The following PRDM16 variants were observed in gnomAD, a reference collection of about 807,000 sequenced individuals.
PRDM16 encodes histone-lysine N-methyltransferase PRDM16.
PRDM16 carries 23 observed loss-of-function variants against 110.6 expected under a neutral mutation model. The ratio of observed to expected loss-of-function variants is 0.21; its 90% CI spans 0.15 to 0.29. PRDM16 has a LOEUF of 0.29. Among genes scored for constraint, PRDM16 ranks in the 10% least tolerant of loss-of-function variants. The pLI, the probability that PRDM16 is intolerant of heterozygous loss-of-function variation, is 1.00. For missense variants in PRDM16, 1,615 were observed against 1,794.3 expected, an observed-to-expected ratio of 0.90 and a Z score of 1.81; for synonymous variants, 799 against 781.8, an observed-to-expected ratio of 1.02 and a Z score of -0.37.
At chr1:3,259,259 A>T (rs1430563761) in intron 3 of PRDM16, among the ~76,000 whole-genome samples, 1 of 152,214 alleles carries the variant, frequency 6.6e-6, no homozygotes, top group Admixed American at 6.5e-5. Flanking sequence ...CGGAAGCAGA[A>T]GATCCCAGGG....
intron 2 of PRDM16, among the ~76,000 whole-genome samples, chr1:3,229,359 G>A (rs1468072366): frequency 6.6e-6 from 1 of 152,122 alleles, no homozygotes; most frequent in Non-Finnish European, 1.5e-5. Flanking sequence ...GGTGCCCCGG[G>A]GGCCCCTCCC....
chr1:3,347,604 C>A (rs1180916184), intron 3 of PRDM16, among the ~76,000 whole-genome samples: 1 of 152,230 alleles, frequency 6.6e-6, no homozygotes, highest in Non-Finnish European at 1.5e-5. Context: ...GAAGGTCAGT[C>A]CTCGGAGTAG....
At chr1:3,153,699 G>A (rs1349499499) in intron 1 of PRDM16, among the ~76,000 whole-genome samples, 1 of 152,190 alleles carries the variant, frequency 6.6e-6, no homozygotes, top group Non-Finnish European at 1.5e-5. Flanking sequence ...CTTTAAGTGG[G>A]GGTTTCAAGT....
intron 10 of PRDM16, among the ~76,000 whole-genome samples, chr1:3,417,504 C>T (rs754572175): frequency 1.3e-5 from 2 of 152,198 alleles, no homozygotes; most frequent in Non-Finnish European, 2.9e-5. Context: ...AAGGGGTAAT[C>T]ATAAACATCA....
intron 1 of PRDM16, among the ~76,000 whole-genome samples, chr1:3,135,317 G>A (rs997662031): frequency 1.3e-5 from 2 of 152,198 alleles, no homozygotes; most frequent in Non-Finnish European, 2.9e-5. Context: ...GGCGGGCCAC[G>A]TGAGGCCCTT....
rs922455289 is a variant in PRDM16, at chr1:3,245,585, G to C, written c.438+1448G>C. ...GCCTCCTGGGGTCCTTTTGTCCAAG[G>C]ACAAGGTGTCGGCTCTCAGTCCCCG... On this transcript the variant is annotated intron_variant, in intron 3 of 16. Transcript: ENST00000270722. The surrounding 1 kb of genome is among the most constrained non-coding windows in gnomAD (Gnocchi z 4.7). Among the ~76,000 whole-genome samples, 11 of 152,144 alleles carry C rather than the reference G, an allele frequency of 7.2e-5. No homozygotes were observed. Among genetic ancestry groups the C allele is most frequent in the Non-Finnish European group, 1.6e-4 (11 of 68,026 alleles).
At chr1:3,181,054 A>G (rs1431100632) in intron 1 of PRDM16, among the ~76,000 whole-genome samples, 1 of 131,266 alleles carries the variant, frequency 7.6e-6, no homozygotes, top group Non-Finnish European at 1.7e-5. Flanking sequence ...ACGCAGTCTT[A>G]CACGCGGTCT....
intron 1 of PRDM16, among the ~76,000 whole-genome samples, chr1:3,110,657 A>G (rs1237756094): frequency 1.3e-5 from 2 of 152,222 alleles, no homozygotes; most frequent in African/African-American, 2.4e-5. Context: ...CATGCAAATC[A>G]TTATCTAAAG....
At chr1:3,173,160 A>G (rs1014538576) in intron 1 of PRDM16, among the ~76,000 whole-genome samples, 4 of 152,224 alleles carry the variant, frequency 2.6e-5, no homozygotes, top group African/African-American at 9.6e-5. Flanking sequence ...GGAGGGAAAC[A>G]GTGAGATGTG....
At chr1:3,214,066 A>G (rs1638965224) in intron 2 of PRDM16, among the ~76,000 whole-genome samples, 1 of 152,154 alleles carries the variant, frequency 6.6e-6, no homozygotes, top group Non-Finnish European at 1.5e-5. Context: ...CCTTGTCTGC[A>G]GGATGCAGGA....
chr1:3,405,291 C>G (rs938779493), intron 7 of PRDM16, among the ~76,000 whole-genome samples: 1 of 152,220 alleles, frequency 6.6e-6, no homozygotes, highest in Non-Finnish European at 1.5e-5. Context: ...AGGAAAGCAG[C>G]CGGGGAGGCT....
In PRDM16 at chr1:3,265,663, C is replaced by CT. The variant is rs1456116614; in HGVS notation, c.438+21528dup. Among the ~76,000 whole-genome samples, 5 of 152,164 alleles carry CT rather than the reference C, an allele frequency of 3.3e-5. No individual in the cohort carries two copies. Among genetic ancestry groups the CT allele is most frequent in the African/African-American group, 1.2e-4 (5 of 41,498 alleles). On this transcript the variant is annotated intron_variant, in intron 3 of 16. Transcript: ENST00000270722. The surrounding 1 kb of genome is among the most constrained non-coding windows in gnomAD (Gnocchi z 4.5). ...TAAAATTGCAGCCAAGGCCAGCCCT[C>CT]TTGCCCCGGGGCTGCCTGGGTTTGT...
At chr1:3,277,751 A>ATG (rs1640620239) in intron 3 of PRDM16, among the ~76,000 whole-genome samples, 1 of 126,506 alleles carries the variant, frequency 7.9e-6, no homozygotes. Flanking sequence ...GCACACGCAC[A>ATG]CACATGCACA....
chr1:3,385,532 T>C (rs1206193499), intron 4 of PRDM16, among the ~76,000 whole-genome samples: 1 of 152,182 alleles, frequency 6.6e-6, no homozygotes, highest in African/African-American at 2.4e-5. Context: ...TGGCAGTTCC[T>C]GAACCCCGAG....
rs1017223866 is a variant in PRDM16 at position 3,162,505 on chromosome 1, C to T, written c.38-23620C>T. On this transcript the variant is annotated intron_variant, in intron 1 of 16. Transcript: ENST00000270722. ...AGAGCCCACTCCTGCCCCTTCCCCC[C>T]GGCTGAGGTCGCAGGCCCACGAAGG... 7.2e-5 allele frequency among the ~76,000 whole-genome samples: 11 copies of T among 152,246 alleles called. No individual in the cohort carries two copies. In the East Asian group the frequency reaches 7.7e-4, roughly 11 times the overall value.
At chr1:3,325,705 C>T (rs1387114516) in intron 3 of PRDM16, among the ~76,000 whole-genome samples, 3 of 152,188 alleles carry the variant, frequency 2.0e-5, no homozygotes, top group South Asian at 2.1e-4. Flanking sequence ...CTGTCCCCAG[C>T]CTCTCCAGGT....
intron 3 of PRDM16, among the ~76,000 whole-genome samples, chr1:3,344,901 T>A (rs896475534): frequency 3.3e-5 from 5 of 152,246 alleles, no homozygotes; most frequent in Non-Finnish European, 7.3e-5. Context: ...AAGCAGCAAG[T>A]GAAATCTCTG....
intron 14 of PRDM16, among the ~76,000 whole-genome samples, chr1:3,430,115 G>C (rs1243888901): frequency 6.6e-6 from 1 of 152,180 alleles, no homozygotes; most frequent in Admixed American, 6.5e-5. Context: ...CTCCCCTGGG[G>C]CCCAGCCCAC....
rs900873935 is a variant in PRDM16, at chr1:3,145,872, C to T, written c.38-40253C>T. 2.0e-5 allele frequency among the ~76,000 whole-genome samples: 3 copies of T among 152,192 alleles called. No homozygotes were observed. In the East Asian group the frequency reaches 5.8e-4, roughly 29 times the overall value. ...GAGTGAGGTCTGACTCTGTATCGCC[C>T]CAGCAGGTGGGCAGCCCGGTCAGCC... On this transcript the variant is annotated intron_variant, in intron 1 of 16. Coordinates refer to ENST00000270722, the MANE Select transcript of PRDM16 (RefSeq NM_022114.4).
Sources: allele counts gnomAD v4.1 joint callset (sites outside exome capture counted in the v4.1 genomes callset), GRCh38; gene constraint gnomAD v4.1.1; non-coding constraint Gnocchi (gnomAD v3.1); transcripts MANE v1.5; gene names NCBI Gene and HGNC (gene_info 2026-07-23, HGNC 2026-07-21).